The following IL1RAP variants were observed in gnomAD, a reference collection of about 807,000 sequenced individuals.
The protein encoded by IL1RAP is interleukin-1 receptor accessory protein.
Under a neutral mutation model 60.7 loss-of-function variants are expected in IL1RAP, and 35 were observed. The observed-to-expected ratio is 0.58, with a 90% CI of 0.44 to 0.76. IL1RAP has a LOEUF of 0.76. IL1RAP is among the 30% of genes least tolerant of loss of function. The pLI is 0.00. For synonymous variants in IL1RAP, 268 were observed against 250.9 expected, an observed-to-expected ratio of 1.07 and a Z score of -0.64; for missense variants, 572 against 693.9, an observed-to-expected ratio of 0.82 and a Z score of 1.97.
intron 2 of IL1RAP, among the ~76,000 whole-genome samples, chr3:190,560,026 C>G (rs1448648793): frequency 6.6e-6 from 1 of 152,098 alleles, no homozygotes; most frequent in African/African-American, 2.4e-5. Flanking sequence ...TCAAAAAAAG[C>G]CCTGTAAACT....
intron 1 of IL1RAP, among the ~76,000 whole-genome samples, chr3:190,540,788 A>C (rs1361848025): frequency 6.6e-6 from 1 of 152,144 alleles, no homozygotes; most frequent in African/African-American, 2.4e-5. Flanking sequence ...ATTCTTAAAC[A>C]AGCATTAAAT....
chr3:190,578,540 T>C (rs1334912851), intron 3 of IL1RAP, among the ~76,000 whole-genome samples: 2 of 152,246 alleles, frequency 1.3e-5, no homozygotes, highest in Non-Finnish European at 1.5e-5. Context: ...TGTGTTTGTG[T>C]ATTTGTTAGC....
chr3:190,565,001 C>G (rs1726249431), intron 3 of IL1RAP, among the ~76,000 whole-genome samples: 1 of 152,134 alleles, frequency 6.6e-6, no homozygotes, highest in African/African-American at 2.4e-5. Context: ...CAGAATCACT[C>G]TCTATCTCTG....
At chr3:190,552,436 C>T (rs1724944147) in intron 1 of IL1RAP, among the ~76,000 whole-genome samples, 1 of 152,094 alleles carries the variant, frequency 6.6e-6, no homozygotes, top group Admixed American at 6.5e-5. Context: ...GAAGTTTTAG[C>T]TTTCTTATCT....
intron 3 of IL1RAP, among the ~76,000 whole-genome samples, chr3:190,569,370 C>T (rs989404253): frequency 4.6e-5 from 7 of 152,168 alleles, no homozygotes; most frequent in Non-Finnish European, 7.4e-5. Flanking sequence ...TTAATAACTC[C>T]GTGCTCAGAT....
chr3:190,634,464 T>TC (rs1165393602), intron 9 of IL1RAP, among the ~76,000 whole-genome samples: 1 of 151,600 alleles, frequency 6.6e-6, no homozygotes, highest in Non-Finnish European at 1.5e-5. Context: ...ATTTTTTTTT[T>TC]CTTTTCAGTA....
chr3:190,617,794 A>AAG (rs1731408310), intron 5 of IL1RAP, among the ~76,000 whole-genome samples: 1 of 152,196 alleles, frequency 6.6e-6, no homozygotes, highest in Non-Finnish European at 1.5e-5. Context: ...GCTGATAAGA[A>AAG]AGAGAGAGCT....
downstream of IL1RAP, among the ~76,000 whole-genome samples, chr3:190,655,179 CT>C (rs1734573603): frequency 6.6e-6 from 1 of 152,072 alleles, no homozygotes. Flanking sequence ...GTGATAATTC[CT>C]GTTGCTCTTT....
intron 6 of IL1RAP, 41 bp from the exon 7 acceptor site, chr3:190,623,303 T>C (rs1731941177): frequency 1.4e-6 from 2 of 1,468,614 alleles, no homozygotes; most frequent in African/African-American, 1.4e-5. Context: ...TAAGGCTGCC[T>C]GATTTAACAT....
chr3:190,591,496 G>T (rs182932336), intron 3 of IL1RAP, among the ~76,000 whole-genome samples: 2 of 152,120 alleles, frequency 1.3e-5, no homozygotes, highest in African/African-American at 4.8e-5. Flanking sequence ...TTCATGTATG[G>T]AATGGGGGTA....
At chr3:190,623,199 A>G in intron 6 of IL1RAP, 145 bp from the exon 7 acceptor site, 1 of 628,406 alleles carries the variant, frequency 1.6e-6, no homozygotes, top group South Asian at 1.9e-5. Context: ...AAGTGCAGTA[A>G]TTGAGTATAT....
intron 9 of IL1RAP, among the ~76,000 whole-genome samples, chr3:190,643,253 T>C (rs1392442211): frequency 1.3e-5 from 2 of 152,208 alleles, no homozygotes; most frequent in East Asian, 3.8e-4. Flanking sequence ...CTATAAAAGC[T>C]TATATAAAAT....
intron 9 of IL1RAP, chr3:190,630,181 T>TTAA: frequency 1.3e-6 from 1 of 764,906 alleles, no homozygotes; most frequent in Non-Finnish European, 1.6e-6. Context: ...TCATTTAAAT[T>TTAA]ATGATTTTAA....
At chr3:190,609,849 T>A (rs564417285) in intron 5 of IL1RAP, among the ~76,000 whole-genome samples, 1 of 152,106 alleles carries the variant, frequency 6.6e-6, no homozygotes, top group South Asian at 2.1e-4. Context: ...GGGATCAGTG[T>A]TTGTGGGGAA....
At chr3:190,652,777 T>C (rs753507591), downstream of IL1RAP, among the ~76,000 whole-genome samples, 1 of 152,224 alleles carries the variant, frequency 6.6e-6, no homozygotes, top group Non-Finnish European at 1.5e-5. Flanking sequence ...TTGCACTGGA[T>C]AAGTGGTTTT....
chr3:190,566,349 G>T (rs1387737878), intron 3 of IL1RAP, among the ~76,000 whole-genome samples: 1 of 152,090 alleles, frequency 6.6e-6, no homozygotes, highest in Admixed American at 6.6e-5. Flanking sequence ...CCCTCATCCT[G>T]AAGGAAGAGG....
chr3:190,643,554 G>A (rs1323693748), intron 9 of IL1RAP, among the ~76,000 whole-genome samples: 1 of 152,102 alleles, frequency 6.6e-6, no homozygotes, highest in Non-Finnish European at 1.5e-5. Context: ...AGTAGATAAT[G>A]CAGAAATCTG....
At chr3:190,607,627 G>A (rs1195560460) in intron 4 of IL1RAP, among the ~76,000 whole-genome samples, 1 of 152,154 alleles carries the variant, frequency 6.6e-6, no homozygotes, top group Non-Finnish European at 1.5e-5. Context: ...ATGTGAAATG[G>A]AGGGGGTGGG....
intron 6 of IL1RAP, among the ~76,000 whole-genome samples, chr3:190,622,979 A>G (rs1480184864): frequency 1.3e-5 from 2 of 152,178 alleles, no homozygotes; most frequent in African/African-American, 4.8e-5. Flanking sequence ...ATTAGCATAT[A>G]AAATCCACTC....
Sources: gnomAD v4.1 joint callset for allele counts (sites outside exome capture counted in the v4.1 genomes callset) on GRCh38, gnomAD v4.1.1 for gene constraint, MANE v1.5 for transcripts, NCBI Gene and HGNC (gene_info 2026-07-23, HGNC 2026-07-21) for gene names.